PCCA: variants seen among roughly 807,000 people sequenced by gnomAD.
The protein encoded by PCCA is propionyl-CoA carboxylase alpha chain, mitochondrial.
PCCA carries 74 observed loss-of-function variants against 101.3 expected under a neutral mutation model. That is an observed-to-expected ratio of 0.73 (90% CI 0.61 to 0.89). The LOEUF is 0.89. Ranked by LOEUF, PCCA falls within the 40% of genes least tolerant of loss-of-function variation. The pLI, the probability that PCCA is intolerant of heterozygous loss-of-function variation, is 0.00. For synonymous variants in PCCA, 294 were observed against 313.6 expected (o/e 0.94, Z 0.66); for missense variants, 891 against 907.0 (o/e 0.98, Z 0.23).
intron 12 of PCCA, among the ~76,000 whole-genome samples, chr13:100,282,835 C>T (rs1409367701): frequency 6.6e-6 from 1 of 152,164 alleles, no homozygotes; most frequent in Non-Finnish European, 1.5e-5. Context: ...AGGAGGACCT[C>T]TCAGCTCACC....
chr13:100,520,491 C>T (rs1022755566), intron 22 of PCCA, among the ~76,000 whole-genome samples: 5 of 151,808 alleles, frequency 3.3e-5, no homozygotes, highest in Admixed American at 6.6e-5. Context: ...AAAAATTAGC[C>T]GGGCGCAGTG....
chr13:100,177,147 C>T (rs2056317582), intron 6 of PCCA, among the ~76,000 whole-genome samples: 1 of 152,068 alleles, frequency 6.6e-6, no homozygotes, highest in Non-Finnish European at 1.5e-5. Flanking sequence ...TATTTTCTTC[C>T]AAGTCAGTAA....
chr13:100,406,707 C>G (rs2077702812), intron 19 of PCCA, among the ~76,000 whole-genome samples: 1 of 151,964 alleles, frequency 6.6e-6, no homozygotes, highest in Non-Finnish European at 1.5e-5. Context: ...AAACTGTCTC[C>G]CCACCCAAAA....
At chr13:100,309,492 C>T (rs1291593670) in intron 15 of PCCA, among the ~76,000 whole-genome samples, 2 of 152,168 alleles carry the variant, frequency 1.3e-5, no homozygotes, top group African/African-American at 4.8e-5. Context: ...TTATCTAATC[C>T]TCACCACTAC....
intron 1 of PCCA, among the ~76,000 whole-genome samples, chr13:100,093,164 G>C (rs1050139015): frequency 6.6e-6 from 1 of 152,138 alleles, no homozygotes; most frequent in African/African-American, 2.4e-5. Flanking sequence ...TGGAAACATA[G>C]TGTTTCATTG....
At chr13:100,421,543 C>A (rs1244447451) in intron 19 of PCCA, among the ~76,000 whole-genome samples, 1 of 151,446 alleles carries the variant, frequency 6.6e-6, no homozygotes, top group African/African-American at 2.4e-5. Flanking sequence ...TTAAGGAAAT[C>A]TTTGCTGGGT....
At chr13:100,235,194 T>C (rs1434132179) in intron 7 of PCCA, among the ~76,000 whole-genome samples, 1 of 151,854 alleles carries the variant, frequency 6.6e-6, no homozygotes, top group Admixed American at 6.6e-5. Flanking sequence ...TGGAGTTTTT[T>C]CCTCCAGTAG....
intron 6 of PCCA, among the ~76,000 whole-genome samples, chr13:100,179,972 A>G (rs990519623): frequency 3.9e-5 from 6 of 152,182 alleles, no homozygotes; most frequent in African/African-American, 1.4e-4. Flanking sequence ...CTGGTGTGGC[A>G]GGAGAATCAT....
chr13:100,168,230 C>A (rs2055252690), intron 6 of PCCA, among the ~76,000 whole-genome samples: 1 of 152,138 alleles, frequency 6.6e-6, no homozygotes, highest in Non-Finnish European at 1.5e-5. Flanking sequence ...CAGTCATTAA[C>A]AGTATACAAG....
At chr13:100,113,705 A>G (rs531297827) in intron 4 of PCCA, among the ~76,000 whole-genome samples, 3 of 150,812 alleles carry the variant, frequency 2.0e-5, no homozygotes, top group African/African-American at 7.3e-5. Flanking sequence ...CATCCTCTCC[A>G]GTAGCTGGGA....
At chr13:100,521,542 T>C (rs568135237) in intron 22 of PCCA, among the ~76,000 whole-genome samples, 15 of 152,326 alleles carry the variant, frequency 9.8e-5, no homozygotes, top group African/African-American at 3.4e-4. Flanking sequence ...CATGAAGATG[T>C]TGGGATGTGA....
chr13:100,465,914 G>A (rs965391534), intron 21 of PCCA, among the ~76,000 whole-genome samples: 12 of 152,306 alleles, frequency 7.9e-5, no homozygotes, highest in East Asian at 3.9e-4. Flanking sequence ...CATGTTTAGC[G>A]AATAGCTGTT....
chr13:100,129,803 C>G (rs1261763968), intron 4 of PCCA, among the ~76,000 whole-genome samples: 1 of 152,214 alleles, frequency 6.6e-6, no homozygotes, highest in Non-Finnish European at 1.5e-5. Flanking sequence ...TCACCAGTGG[C>G]TCTGGCTCTC....
chr13:100,452,248 C>T (rs1349771408), intron 21 of PCCA, among the ~76,000 whole-genome samples: 1 of 151,572 alleles, frequency 6.6e-6, no homozygotes, highest in African/African-American at 2.4e-5. Context: ...CTCTCCCTGT[C>T]TCCCTCTCCC....
At chr13:100,410,000 T>A (rs2077932024) in intron 19 of PCCA, among the ~76,000 whole-genome samples, 1 of 152,020 alleles carries the variant, frequency 6.6e-6, no homozygotes, top group South Asian at 2.1e-4. Flanking sequence ...CCTCAAGTGA[T>A]CCACCCACCT....
At chr13:100,404,125 G>T (rs1221733489) in intron 19 of PCCA, among the ~76,000 whole-genome samples, 1 of 152,212 alleles carries the variant, frequency 6.6e-6, no homozygotes, top group Non-Finnish European at 1.5e-5. Flanking sequence ...ACCATTTGGA[G>T]TTTGATGGCC....
chr13:100,133,705 T>C (rs1364635946), intron 4 of PCCA, among the ~76,000 whole-genome samples: 1 of 152,186 alleles, frequency 6.6e-6, no homozygotes, highest in Non-Finnish European at 1.5e-5. Flanking sequence ...TGCAAAGTAT[T>C]GTGTGTCTGC....
chr13:100,413,623 T>C (rs567560883), intron 19 of PCCA, among the ~76,000 whole-genome samples: 1 of 152,286 alleles, frequency 6.6e-6, no homozygotes, highest in Non-Finnish European at 1.5e-5. Flanking sequence ...GCTTATTATG[T>C]ACTAGGTGCT....
chr13:100,290,951 C>T (rs1296752118), intron 12 of PCCA, among the ~76,000 whole-genome samples: 1 of 152,198 alleles, frequency 6.6e-6, no homozygotes, highest in African/African-American at 2.4e-5. Flanking sequence ...TCCTTACCTA[C>T]TAGTTCTGCA....
Sources: allele counts gnomAD v4.1 joint callset (sites outside exome capture counted in the v4.1 genomes callset), GRCh38; gene constraint gnomAD v4.1.1; transcripts MANE v1.5; gene names NCBI Gene and HGNC (gene_info 2026-07-23, HGNC 2026-07-21).